NPFFR2: variants seen among roughly 807,000 people sequenced by gnomAD.
The protein encoded by NPFFR2 is G-protein coupled receptor 74.
A neutral mutation model predicts 13.1 loss-of-function variants in NPFFR2; 15 were observed. The ratio of observed to expected loss-of-function variants is 1.15; its 90% CI spans 0.77 to 1.76. NPFFR2 has a LOEUF of 1.76. NPFFR2 is among the 40% of genes most tolerant of loss of function. NPFFR2 has a pLI of 0.00. For synonymous variants in NPFFR2, 190 were observed against 175.7 expected (o/e 1.08, Z -0.65); for missense variants, 572 against 503.5 (o/e 1.14, Z -1.30).
intron 1 of NPFFR2, among the ~76,000 whole-genome samples, chr4:72,096,389 T>G (rs77932057): frequency 0.029 from 4,426 of 152,288 alleles, 177 homozygotes; most frequent in African/African-American, 0.09. Context: ...GCATTCATGA[T>G]CAAACATCAT....
intron 1 of NPFFR2, among the ~76,000 whole-genome samples, chr4:72,103,540 A>G (rs1257484750): frequency 1.3e-5 from 2 of 152,092 alleles, no homozygotes; most frequent in Admixed American, 6.6e-5. Flanking sequence ...AGCAGCACAA[A>G]CGAATTAAGC....
At chr4:72,033,046 C>A (rs539293357) in intron 1 of NPFFR2, among the ~76,000 whole-genome samples, 1 of 151,992 alleles carries the variant, frequency 6.6e-6, no homozygotes, top group Non-Finnish European at 1.5e-5. Context: ...AAACATATGT[C>A]TAAATTTCTA....
intron 1 of NPFFR2, among the ~76,000 whole-genome samples, chr4:72,090,261 C>T (rs1720881930): frequency 6.6e-6 from 1 of 152,044 alleles, no homozygotes; most frequent in African/African-American, 2.4e-5. Flanking sequence ...TAATGTGATG[C>T]CTCCAGATTT....
At chr4:72,074,785 T>C (rs1720376854) in intron 1 of NPFFR2, among the ~76,000 whole-genome samples, 1 of 152,092 alleles carries the variant, frequency 6.6e-6, no homozygotes. Flanking sequence ...TACAACAGAC[T>C]CACTTTAGAG....
intron 1 of NPFFR2, among the ~76,000 whole-genome samples, chr4:72,046,178 T>C (rs1335267368): frequency 6.6e-6 from 1 of 152,200 alleles, no homozygotes; most frequent in Non-Finnish European, 1.5e-5. Flanking sequence ...TTTGGATAGT[T>C]ACTTATACTT....
At chr4:72,078,734 T>C (rs1432909545) in intron 1 of NPFFR2, among the ~76,000 whole-genome samples, 4 of 151,956 alleles carry the variant, frequency 2.6e-5, no homozygotes, top group African/African-American at 9.7e-5. Flanking sequence ...TGAAAGAGAA[T>C]AGAAAAAGCA....
chr4:72,147,169 G>A lies in NPFFR2; in HGVS notation c.620G>A (p.Arg207Gln), dbSNP rs548668915. ...QNKTSPVYWC[R>Q]EDWPNQEMRK... ...AAAACCAGTCCAGTCTACTGGTGCC[G>A]GGAAGACTGGCCAAATCAGGAAATG... The change falls in exon 4 of 4, where the codon CGG (arginine) becomes CAG (glutamine). Residue 207 changes from arginine to glutamine, a missense_variant. By Grantham distance (43) the Arg-to-Gln change is conservative. Coordinates refer to ENST00000308744, the MANE Select transcript of NPFFR2 (RefSeq NM_004885.3). 43 of 1,613,978 alleles carry A rather than the reference G, an allele frequency of 2.7e-5. No homozygotes were observed. The highest frequency in any genetic ancestry group is 1.1e-4 in the East Asian group (5 of 44,862).
At chr4:72,109,463 CCA>C (rs1721504557) in intron 1 of NPFFR2, among the ~76,000 whole-genome samples, 1 of 151,948 alleles carries the variant, frequency 6.6e-6, no homozygotes, top group Non-Finnish European at 1.5e-5. Flanking sequence ...AGTAGGATTT[CCA>C]CAGACATTTT....
At chr4:72,089,196 T>C (rs1720848107) in intron 1 of NPFFR2, among the ~76,000 whole-genome samples, 1 of 152,164 alleles carries the variant, frequency 6.6e-6, no homozygotes, top group African/African-American at 2.4e-5. Flanking sequence ...TTCTATGGTA[T>C]ATATGTACCA....
intron 1 of NPFFR2, among the ~76,000 whole-genome samples, chr4:72,075,957 TCA>T (rs34381564): frequency 9.6e-6 from 1 of 104,344 alleles, no homozygotes; most frequent in African/African-American, 3.7e-5. Flanking sequence ...TCTCTCTCTG[TCA>T]CACACACACA....
intron 1 of NPFFR2, among the ~76,000 whole-genome samples, chr4:72,090,759 C>T (rs2109801590): frequency 6.6e-6 from 1 of 152,180 alleles, no homozygotes; most frequent in African/African-American, 2.4e-5. Flanking sequence ...GGTACACGAT[C>T]ATATCATCAG....
intron 1 of NPFFR2, among the ~76,000 whole-genome samples, chr4:72,085,976 T>C (rs1488066127): frequency 1.3e-5 from 2 of 152,120 alleles, no homozygotes; most frequent in Non-Finnish European, 2.9e-5. Context: ...GTGCTTTGTC[T>C]GATTTGCTTG....
intron 3 of NPFFR2, among the ~76,000 whole-genome samples, chr4:72,146,040 G>C (rs952066148): frequency 3.3e-5 from 5 of 152,102 alleles, no homozygotes; most frequent in Admixed American, 1.3e-4. Flanking sequence ...TGTTAGGAAG[G>C]CTCATAATCA....
chr4:72,134,210 G>C (rs1473647675), intron 2 of NPFFR2, among the ~76,000 whole-genome samples: 1 of 152,160 alleles, frequency 6.6e-6, no homozygotes, highest in Non-Finnish European at 1.5e-5. Flanking sequence ...GTTGCAGTGA[G>C]CCGAGATCGT....
At chr4:72,102,566 C>G (rs563372915) in intron 1 of NPFFR2, among the ~76,000 whole-genome samples, 11 of 143,714 alleles carry the variant, frequency 7.7e-5, no homozygotes, top group African/African-American at 2.8e-4. Context: ...TGATGTTCCC[C>G]TTCCTGTGTC....
At chr4:72,064,367 G>T (rs1222275668) in intron 1 of NPFFR2, among the ~76,000 whole-genome samples, 3 of 152,124 alleles carry the variant, frequency 2.0e-5, no homozygotes, top group African/African-American at 4.8e-5. Context: ...GTTTTTGTTG[G>T]CTATTGGCCT....
chr4:72,129,989 A>G (rs1422092170), intron 2 of NPFFR2, among the ~76,000 whole-genome samples: 3 of 136,640 alleles, frequency 2.2e-5, no homozygotes, highest in African/African-American at 8.7e-5. Context: ...AACAAAGCAC[A>G]TCCTGCACCG....
At chr4:72,057,178 C>T (rs1719774784) in intron 1 of NPFFR2, among the ~76,000 whole-genome samples, 1 of 69,706 alleles carries the variant, frequency 1.4e-5, no homozygotes, top group African/African-American at 4.2e-5. Flanking sequence ...TAAAAATTAC[C>T]ACTTGGCAAT....
chr4:72,074,576 A>G (rs1466563629), intron 1 of NPFFR2, among the ~76,000 whole-genome samples: 2 of 152,084 alleles, frequency 1.3e-5, no homozygotes, highest in African/African-American at 2.4e-5. Flanking sequence ...CCATGATTTT[A>G]GGCATCCACT....
Sources: gnomAD v4.1 joint callset for allele counts (sites outside exome capture counted in the v4.1 genomes callset) on GRCh38, gnomAD v4.1.1 for gene constraint, MANE v1.5 for transcripts, NCBI Gene and HGNC (gene_info 2026-07-23, HGNC 2026-07-21) for gene names.